The following RIMBP2 variants were observed in gnomAD, a reference collection of about 807,000 sequenced individuals.
RIMBP2 encodes RIMS-binding protein 2.
RIMBP2 carries 48 observed loss-of-function variants against 118.6 expected under a neutral mutation model. The observed-to-expected ratio is 0.40, with a 90% CI of 0.32 to 0.51. RIMBP2 has a LOEUF of 0.51. RIMBP2 is among the 20% of genes least tolerant of loss of function. RIMBP2 has a pLI of 0.41. For synonymous variants in RIMBP2, 762 were observed against 742.9 expected (o/e 1.03, Z -0.42); for missense variants, 1,551 against 1,768.3 (o/e 0.88, Z 2.20).
At chr12:130,466,498 T>C (rs2080489214) in intron 6 of RIMBP2, among the ~76,000 whole-genome samples, 1 of 152,164 alleles carries the variant, frequency 6.6e-6, no homozygotes, top group African/African-American at 2.4e-5. Context: ...GAAGTGTCCA[T>C]GGCACTGGAG....
In RIMBP2 at chr12:130,422,927, C is replaced by G. The variant is rs996500220; in HGVS notation, c.3130-366G>C. Among the ~76,000 whole-genome samples the G allele has an allele frequency of 3.3e-5, 5 of 152,214 alleles. No homozygotes were observed. Among genetic ancestry groups the G allele is most frequent in the African/African-American group, 1.2e-4 (5 of 41,446 alleles). ...GCACCTGAGTCCCTCTTAGTCTCCA[C>G]ATGCCCCCCTCCCAGCTGTCACGAA... On this transcript the variant is annotated intron_variant, in intron 16 of 22. Coordinates refer to ENST00000690449, the MANE Select transcript of RIMBP2 (RefSeq NM_001393629.1). The surrounding 1 kb of genome is among the most constrained non-coding windows in gnomAD (Gnocchi z 5.2).
chr12:130,489,316 T>TG (rs1177767538), intron 4 of RIMBP2, among the ~76,000 whole-genome samples: 2 of 152,166 alleles, frequency 1.3e-5, no homozygotes, highest in Non-Finnish European at 1.5e-5. Flanking sequence ...CACAACATCT[T>TG]GGCTTTGGGT....
rs868373335 is a variant in RIMBP2, at chr12:130,446,781, G to A, written c.582-1512C>T. 3.9e-5 allele frequency among the ~76,000 whole-genome samples: 6 copies of A among 152,198 alleles called. No individual in the cohort carries two copies. The highest frequency in any genetic ancestry group is 2.1e-4 in the South Asian group (1 of 4,824). On this transcript the variant is annotated intron_variant, in intron 9 of 22. Transcript: ENST00000690449. The surrounding 1 kb of genome is among the most constrained non-coding windows in gnomAD (Gnocchi z 4.1). ...ATGAAAGAGTTTTAAGCCAGGGAGC[G>A]ACAGGATCATGTTTGCGTTTTACAA...
chr12:130,451,074 A>C (rs957344267), intron 8 of RIMBP2, 121 bp downstream of exon 8: 6 of 1,216,650 alleles, frequency 4.9e-6, no homozygotes, highest in Non-Finnish European at 7.0e-6. Flanking sequence ...AAAGGGAAGA[A>C]CCAACCAGAA....
intron 1 of RIMBP2, among the ~76,000 whole-genome samples, chr12:130,702,553 AAGGAAG>A (rs2136781855): frequency 3.8e-5 from 3 of 79,686 alleles, no homozygotes; most frequent in African/African-American, 1.9e-4. Flanking sequence ...AGAAAGAAGG[AAGGAAG>A]GAAGGAAGGA....
chr12:130,677,439 C>G (rs2136512004), intron 1 of RIMBP2, among the ~76,000 whole-genome samples: 1 of 152,188 alleles, frequency 6.6e-6, no homozygotes, highest in East Asian at 1.9e-4. Flanking sequence ...ACCAGCCTGG[C>G]CAACATGGCG....
chr12:130,600,055 T>G (rs1246616216), intron 2 of RIMBP2, among the ~76,000 whole-genome samples: 2 of 152,220 alleles, frequency 1.3e-5, no homozygotes, highest in Non-Finnish European at 2.9e-5. Context: ...TCCACCTTTC[T>G]AGTCTGGAGT....
intron 4 of RIMBP2, among the ~76,000 whole-genome samples, chr12:130,480,082 G>T (rs2081829284): frequency 6.6e-6 from 1 of 151,896 alleles, no homozygotes; most frequent in Admixed American, 6.6e-5. Context: ...CAGCGGGCGG[G>T]TGGGTAGTCA....
At chr12:130,605,747 T>C (rs11061024) in intron 2 of RIMBP2, among the ~76,000 whole-genome samples, 26,821 of 152,144 alleles carry the variant, frequency 0.18, 3,324 homozygotes, top group East Asian at 0.36. Context: ...TTTCAAGGTA[T>C]GCTTTCAATT....
At chr12:130,539,315 G>C (rs540587834) in intron 2 of RIMBP2, among the ~76,000 whole-genome samples, 1 of 152,254 alleles carries the variant, frequency 6.6e-6, no homozygotes, top group African/African-American at 2.4e-5. Context: ...GTAAAGAACA[G>C]TGTCAGTGAA....
At chr12:130,444,480 G>A (rs917709418) in intron 10 of RIMBP2, among the ~76,000 whole-genome samples, 14 of 152,314 alleles carry the variant, frequency 9.2e-5, no homozygotes, top group Admixed American at 9.2e-4. Flanking sequence ...AAGAAACCAA[G>A]ACCACGCTAT....
At chr12:130,713,211 T>TAGGAAGGAAGGAAGGAAGGAAGGA (rs66952529) in intron 1 of RIMBP2, among the ~76,000 whole-genome samples, 4 of 98,102 alleles carry the variant, frequency 4.1e-5, no homozygotes, top group African/African-American at 8.5e-5. Context: ...GGAAGGAAGA[T>TAGGAAGGAAGGAAGGAAGGAAGGA]AGGAAGGAAG....
In RIMBP2 at chr12:130,547,416, G is replaced by A. The variant is rs536458190; in HGVS notation, c.-216-29499C>T. 2.4e-4 allele frequency among the ~76,000 whole-genome samples: 37 copies of A among 152,320 alleles called. 1 individual carries two copies. The South Asian group carries it at 4.8e-3, about 20-fold the overall frequency. ...AAACATTACCTGCAACACAGAGCCC[G>A]AAGGCAGCCTGTTTTCTCACTATCG... On this transcript the variant is annotated intron_variant, in intron 2 of 22. Transcript: ENST00000690449.
At chr12:130,641,075 C>T (rs1213177954) in intron 1 of RIMBP2, among the ~76,000 whole-genome samples, 3 of 152,178 alleles carry the variant, frequency 2.0e-5, no homozygotes, top group Non-Finnish European at 4.4e-5. Context: ...GCAGTCTTGC[C>T]ATCATTTTAA....
intron 2 of RIMBP2, among the ~76,000 whole-genome samples, chr12:130,561,511 T>G (rs188736558): frequency 1.4e-4 from 21 of 151,964 alleles, no homozygotes; most frequent in Admixed American, 1.1e-3. Flanking sequence ...ATTGCAGGAG[T>G]TTGTAAGCCT....
rs553781047 is a variant in RIMBP2 at position 130,487,683 on chromosome 12, T to C, written c.-3-8667A>G. ...CCTGACCAGTGACCAGAGATTATTT[T>C]ATTTACGTGTTTATTCTATGTCATC... On this transcript the variant is annotated intron_variant, in intron 4 of 22. Transcript: ENST00000690449. Among the ~76,000 whole-genome samples, 262 of 152,316 alleles carry C rather than the reference T, an allele frequency of 1.7e-3. 2 individuals are homozygous for C. The highest frequency in any genetic ancestry group is 6.0e-3 in the African/African-American group (248 of 41,572).
At chr12:130,508,707 A>G (rs1043991801) in intron 3 of RIMBP2, among the ~76,000 whole-genome samples, 1 of 152,014 alleles carries the variant, frequency 6.6e-6, no homozygotes, top group Non-Finnish European at 1.5e-5. Flanking sequence ...GCTGCTCCTC[A>G]TTGGAACAGA....
At chr12:130,436,419 G>A (rs2077520797) in intron 13 of RIMBP2, among the ~76,000 whole-genome samples, 1 of 152,186 alleles carries the variant, frequency 6.6e-6, no homozygotes, top group Non-Finnish European at 1.5e-5. Flanking sequence ...AGACACATAT[G>A]TGCATGTGTG....
chr12:130,404,876 C>T (rs2075013668), intron 21 of RIMBP2, among the ~76,000 whole-genome samples: 1 of 152,006 alleles, frequency 6.6e-6, no homozygotes, highest in Non-Finnish European at 1.5e-5. Context: ...TGTTAAAGTC[C>T]ATAAATACTC....
Sources: allele counts gnomAD v4.1 joint callset (sites outside exome capture counted in the v4.1 genomes callset), GRCh38; gene constraint gnomAD v4.1.1; non-coding constraint Gnocchi (gnomAD v3.1); transcripts MANE v1.5; gene names NCBI Gene and HGNC (gene_info 2026-07-23, HGNC 2026-07-21).